KDM5A: variants seen among roughly 807,000 people sequenced by gnomAD.
The protein encoded by KDM5A is lysine-specific demethylase 5A.
In KDM5A, 42 loss-of-function variants were observed where a neutral mutation model predicts 193.5. That is an observed-to-expected ratio of 0.22 (90% CI 0.17 to 0.28). The LOEUF (loss-of-function observed/expected upper bound fraction) is 0.28. KDM5A is among the 10% of genes least tolerant of loss of function. The pLI, the probability that KDM5A is intolerant of heterozygous loss-of-function variation, is 1.00. For missense variants in KDM5A, 1,692 were observed against 2,055.1 expected, an observed-to-expected ratio of 0.82 and a Z score of 3.42; for synonymous variants, 796 against 718.1, an observed-to-expected ratio of 1.11 and a Z score of -1.73.
In KDM5A at chr12:307,176, A is replaced by C; in HGVS notation, c.3931-87T>G. 1 of 1,485,300 alleles carries C rather than the reference A, an allele frequency of 6.7e-7. No homozygotes were observed. Among genetic ancestry groups the C allele is most frequent in the Admixed American group, 1.7e-5 (1 of 59,034 alleles). The allele number at this position is 1,485,300 out of a possible 1,614,324, so 92.0% of individuals were successfully genotyped here. A position where few individuals can be genotyped will look rare whatever the true frequency, so the allele number is the denominator to read the frequency against. ...GTGTGCTTAAGATCACCAAAATGTA[A>C]TGAATAAGCAAAGTGGCTAACAGAG... On this transcript the variant is annotated intron_variant, in intron 23 of 27. Transcript: ENST00000399788. This position sits in a 1 kb window ranked among gnomAD's most constrained non-coding sequence, Gnocchi z 4.3.
Position 280,827 on chromosome 12 carries a change from T to G in KDM5A, c.*4629A>C, listed in dbSNP as rs1489856601. ...GGCAGGTGAAATCTTCAGGAATCAC[T>G]TCACACTCCAAAAACACTATTCTCA... On this transcript the variant is annotated 3_prime_UTR_variant, in exon 28 of 28. Coordinates refer to ENST00000399788, the MANE Select transcript of KDM5A (RefSeq NM_001042603.3). The G allele has an allele frequency of 2.6e-5, 6 of 232,872 alleles. No individual in the cohort carries two copies. Among genetic ancestry groups the G allele is most frequent in the Non-Finnish European group, 5.1e-5 (6 of 117,852 alleles). The allele number at this position is 232,872 out of a possible 1,614,324, so 14.4% of individuals were successfully genotyped here. A position where few individuals can be genotyped will look rare whatever the true frequency, so the allele number is the denominator to read the frequency against.
intron 19 of KDM5A, among the ~76,000 whole-genome samples, chr12:314,299 G>A (rs189791624): frequency 1.3e-5 from 2 of 152,212 alleles, no homozygotes; most frequent in Non-Finnish European, 1.5e-5. Context: ...AGGTTCAAAC[G>A]ATTCTCATGC....
At chr12:367,682 G>A (rs1944375017) in intron 3 of KDM5A, among the ~76,000 whole-genome samples, 1 of 151,422 alleles carries the variant, frequency 6.6e-6, no homozygotes, top group South Asian at 2.1e-4. Context: ...AGCCTGGACA[G>A]TAGAGTGAGA....
chr12:361,352 G>A (rs144566189), intron 5 of KDM5A, among the ~76,000 whole-genome samples: 1,637 of 152,028 alleles, frequency 0.011, 14 homozygotes, highest in Middle Eastern at 0.027. Context: ...CCACCACCAC[G>A]CCCGGCTAAT....
chr12:307,909 C>T lies in KDM5A; in HGVS notation c.3475G>A (p.Glu1159Lys). ...CGGCAAATGCAAAATTTTACTTCTT[C>T]TATGCGGTCCACCATTGTCATCTTG... ...LAKMTMVDRI[E>K]EVKFCICRKT... is the part of the protein sequence containing the mutation. Residue 1159 changes from glutamate to lysine, a missense_variant, in exon 23 of 28, where the codon GAA becomes AAA. By Grantham distance (56) the Glu-to-Lys change is moderately conservative. Transcript: ENST00000399788. The surrounding 1 kb of genome is among the most constrained non-coding windows in gnomAD (Gnocchi z 4.3). 2 of 1,614,172 alleles carry T rather than the reference C, an allele frequency of 1.2e-6. No individual in the cohort carries two copies. The highest frequency in any genetic ancestry group is 1.7e-6 in the Non-Finnish European group (2 of 1,180,018).
chr12:340,020 C>T (rs111604297), intron 10 of KDM5A, among the ~76,000 whole-genome samples: 18 of 151,924 alleles, frequency 1.2e-4, no homozygotes, highest in African/African-American at 4.1e-4. Context: ...CAACTACAGG[C>T]GTGTGCCACC....
intron 4 of KDM5A, 40 bp from the exon 5 acceptor site, chr12:363,137 TAAG>T: frequency 6.2e-7 from 1 of 1,612,378 alleles, no homozygotes; most frequent in East Asian, 2.2e-5. Flanking sequence ...GGTTCACTGA[TAAG>T]AAATCATGCT....
intron 15 of KDM5A, 30 bp downstream of exon 15, chr12:323,570 A>C (rs956554791): frequency 1.9e-6 from 3 of 1,599,590 alleles, no homozygotes; most frequent in Non-Finnish European, 2.6e-6. Context: ...AAAAAAGGTA[A>C]TGGAAGTTTT....
Position 389,056 on chromosome 12 carries a change from C to A in KDM5A, c.36G>T (p.Glu12Asp). 1.2e-6 allele frequency: 2 copies of A among 1,610,090 alleles called. No individual in the cohort carries two copies. The highest frequency in any genetic ancestry group is 1.7e-6 in the Non-Finnish European group (2 of 1,177,878). Residue 12 changes from glutamate to aspartate, a missense_variant, in exon 1 of 28, where the codon GAG becomes GAT. Transcript: ENST00000399788. The stretch of plus-strand genomic sequence containing the variant: ...CGGGGCACTCTGGCGGTGGCACGAA[C>A]TCCGCCGCGTAGCCCCCCGGCCCCA... ...AGVGPGGYAAEFVPPPECPVF... is the reference protein window; with the variant it reads ...AGVGPGGYAADFVPPPECPVF...
intron 27 of KDM5A, among the ~76,000 whole-genome samples, chr12:289,907 C>CTTTCTTTTTTTTTTTTTT (rs1943270056): frequency 1.0e-5 from 1 of 99,658 alleles, no homozygotes; most frequent in East Asian, 4.4e-4. Context: ...TTCTTTCTTT[C>CTTTCTTTTTTTTTTTTTT]TTTTTTTTTT....
In KDM5A at chr12:281,467, A is replaced by C; in HGVS notation, c.*3989T>G. The C allele has an allele frequency of 4.3e-6, 1 of 233,228 alleles. No homozygotes were observed. 14.4% of individuals were successfully genotyped at this position (233,228 alleles called of 1,614,324 possible). On this transcript the variant is annotated 3_prime_UTR_variant, in exon 28 of 28. Coordinates refer to ENST00000399788, the MANE Select transcript of KDM5A (RefSeq NM_001042603.3). Reference sequence around the variant, plus strand: ...AAATTCAAAAAATACATTAACAGCCATTCTTCCTCATACTACAGTAGGAGA... The same window carrying C: ...AAATTCAAAAAATACATTAACAGCCCTTCTTCCTCATACTACAGTAGGAGA...
At chr12:345,566 T>C (rs1373097677) in intron 10 of KDM5A, among the ~76,000 whole-genome samples, 3 of 152,170 alleles carry the variant, frequency 2.0e-5, no homozygotes, top group Non-Finnish European at 2.9e-5. Context: ...ACAAACTGTC[T>C]CTCAGACCAC....
At chr12:371,626 T>A (rs545580815) in intron 3 of KDM5A, among the ~76,000 whole-genome samples, 32 of 152,252 alleles carry the variant, frequency 2.1e-4, no homozygotes, top group African/African-American at 7.0e-4. Flanking sequence ...CCCATTTGTC[T>A]ATTTTGGCTT....
At chr12:300,486 G>GAA (rs367820123) in intron 24 of KDM5A, among the ~76,000 whole-genome samples, 11 of 152,286 alleles carry the variant, frequency 7.2e-5, no homozygotes, top group African/African-American at 2.4e-4. Context: ...TGAAACCAAT[G>GAA]AGAACAAAGA....
At chr12:350,174 C>T (rs563775104) in intron 10 of KDM5A, among the ~76,000 whole-genome samples, 5 of 151,832 alleles carry the variant, frequency 3.3e-5, no homozygotes, top group East Asian at 3.9e-4. Flanking sequence ...CAGTGGCTCA[C>T]GCCTGTAATC....
At chr12:316,118 C>T (rs949229770) in intron 19 of KDM5A, among the ~76,000 whole-genome samples, 1 of 152,152 alleles carries the variant, frequency 6.6e-6, no homozygotes, top group African/African-American at 2.4e-5. Flanking sequence ...TAGTTAATAA[C>T]CAATACTAAG....
intron 24 of KDM5A, among the ~76,000 whole-genome samples, chr12:297,654 C>T (rs964762806): frequency 1.3e-5 from 2 of 152,130 alleles, no homozygotes; most frequent in Admixed American, 1.3e-4. Flanking sequence ...GCTTTCCAGA[C>T]CCTGGACCCT....
chr12:354,751 C>CA (rs1201567102), intron 7 of KDM5A, among the ~76,000 whole-genome samples: 1 of 132,298 alleles, frequency 7.6e-6, no homozygotes, highest in Non-Finnish European at 1.7e-5. Context: ...TGGGCAACAG[C>CA]AAGACTCCGT....
chr12:374,896 C>T (rs575202839), intron 3 of KDM5A, among the ~76,000 whole-genome samples: 145 of 151,916 alleles, frequency 9.5e-4, no homozygotes, highest in African/African-American at 3.4e-3. Context: ...GAATGTTGAA[C>T]ATTGGCCCCC....
Sources: gnomAD v4.1 joint callset for allele counts (sites outside exome capture counted in the v4.1 genomes callset) on GRCh38, gnomAD v4.1.1 for gene constraint, Gnocchi (gnomAD v3.1) non-coding constraint, MANE v1.5 for transcripts, NCBI Gene and HGNC (gene_info 2026-07-23, HGNC 2026-07-21) for gene names.